ITGB5: variants seen among roughly 807,000 people sequenced by gnomAD.
ITGB5 encodes integrin beta-5.
A neutral mutation model predicts 84.8 loss-of-function variants in ITGB5; 38 were observed. The ratio of observed to expected loss-of-function variants is 0.45; its 90% CI spans 0.35 to 0.59. The LOEUF (loss-of-function observed/expected upper bound fraction) is 0.59. Among genes scored for constraint, ITGB5 ranks in the 20% least tolerant of loss-of-function variants. The probability of loss-of-function intolerance (pLI) is 0.01; values close to 1 mark genes in which losing one functional copy is unlikely to be tolerated. For missense variants in ITGB5, 905 were observed against 1,034.5 expected (o/e 0.87, Z 1.72); for synonymous variants, 393 against 414.4 (o/e 0.95, Z 0.63).
At chr3:124,796,957 G>A (rs140082645) in intron 9 of ITGB5, 140 bp from the exon 10 acceptor site, 27 of 751,678 alleles carry the variant, frequency 3.6e-5, no homozygotes, top group African/African-American at 2.7e-4. Context: ...CAAGATGGCC[G>A]GAGTAGGAAG....
intron 8 of ITGB5, 162 bp from the exon 9 acceptor site, chr3:124,809,318 C>G (rs2064460864): frequency 1.5e-6 from 1 of 658,864 alleles, no homozygotes; most frequent in East Asian, 2.7e-5. Context: ...CTCATCCTTT[C>G]CCTTCTCTCT....
At chr3:124,826,355 G>A (rs950726334) in intron 5 of ITGB5, among the ~76,000 whole-genome samples, 2 of 152,166 alleles carry the variant, frequency 1.3e-5, no homozygotes, top group Admixed American at 1.3e-4. Flanking sequence ...GAATTCGGGT[G>A]CCTTCTGATG....
chr3:124,831,003 CAACAAA>C (rs2064851849), intron 5 of ITGB5, among the ~76,000 whole-genome samples: 2 of 152,040 alleles, frequency 1.3e-5, no homozygotes, highest in South Asian at 2.1e-4. Flanking sequence ...ACAACAACAA[CAACAAA>C]AAAACAAGAA....
At chr3:124,898,917 A>G (rs905544801) in intron 1 of ITGB5, among the ~76,000 whole-genome samples, 10 of 151,910 alleles carry the variant, frequency 6.6e-5, no homozygotes, top group Non-Finnish European at 1.3e-4. Flanking sequence ...CTCTACTAAA[A>G]ATACAAAAAT....
intron 7 of ITGB5, among the ~76,000 whole-genome samples, chr3:124,818,683 C>T (rs1223604411): frequency 6.6e-6 from 1 of 151,980 alleles, no homozygotes; most frequent in Non-Finnish European, 1.5e-5. Flanking sequence ...CCTGAATAGG[C>T]TTTATCCTGC....
At chr3:124,810,482 T>TAGCTAC (rs1324102633) in intron 8 of ITGB5, among the ~76,000 whole-genome samples, 3 of 152,090 alleles carry the variant, frequency 2.0e-5, no homozygotes, top group African/African-American at 7.2e-5. Context: ...CACATGCCTG[T>TAGCTAC]AGCTACTCAG....
chr3:124,780,015 C>A (rs939885438), intron 10 of ITGB5, among the ~76,000 whole-genome samples: 4 of 152,202 alleles, frequency 2.6e-5, no homozygotes, highest in African/African-American at 2.4e-5. Context: ...CGGGGAGGCT[C>A]ACACCACAGA....
chr3:124,878,371 T>G (rs1007907398), intron 1 of ITGB5, among the ~76,000 whole-genome samples: 2 of 152,252 alleles, frequency 1.3e-5, no homozygotes, highest in African/African-American at 4.8e-5. Flanking sequence ...TCACCTGGTA[T>G]GAAAACATCA....
rs534520573 is a variant in ITGB5, at chr3:124,797,446, C to T, written c.1264-629G>A. 2.0e-5 allele frequency among the ~76,000 whole-genome samples: 3 copies of T among 152,006 alleles called. No homozygotes were observed. The East Asian group carries it at 5.8e-4, about 29-fold the overall frequency. ...TGTCATAGCTGCATCTTTCACAATC[C>T]CCCCATGCCCCTGAGGTCTTAAAGA... On this transcript the variant is annotated intron_variant, in intron 9 of 14. Coordinates refer to ENST00000296181, the MANE Select transcript of ITGB5 (RefSeq NM_002213.5).
At chr3:124,841,620 A>T in intron 4 of ITGB5, 69 bp from the exon 5 acceptor site, 1 of 1,519,066 alleles carries the variant, frequency 6.6e-7, no homozygotes, top group African/African-American at 1.4e-5. Context: ...TGTTCTGAGC[A>T]TTCACTGAGT....
intron 12 of ITGB5, among the ~76,000 whole-genome samples, chr3:124,768,319 C>T (rs1036971926): frequency 6.6e-6 from 1 of 152,186 alleles, no homozygotes; most frequent in African/African-American, 2.4e-5. Context: ...AGTCGTTTTA[C>T]TCAACTCACA....
At position 124,849,459 on chromosome 3, in the gene ITGB5, C is replaced by T. The variant is rs1344037548; in HGVS notation, c.362-901G>A. ...ACATCACCTGTGTTTGTTTCTATTT[C>T]TCTCGCCATTTACCAGACTAGTATT... On this transcript the variant is annotated intron_variant, in intron 3 of 14. Transcript: ENST00000296181. Among the ~76,000 whole-genome samples the T allele has an allele frequency of 2.0e-5, 3 of 152,254 alleles. No homozygotes were observed. In the East Asian group the frequency reaches 5.8e-4, roughly 29 times the overall value.
intron 1 of ITGB5, among the ~76,000 whole-genome samples, chr3:124,877,851 A>AT (rs60168281): frequency 3.3e-5 from 5 of 149,966 alleles, no homozygotes; most frequent in Non-Finnish European, 3.0e-5. Context: ...AAGCCACATA[A>AT]TTTTTTTTTT....
chr3:124,795,839 C>G (rs1459770358), intron 10 of ITGB5, among the ~76,000 whole-genome samples: 1 of 152,204 alleles, frequency 6.6e-6, no homozygotes, highest in African/African-American at 2.4e-5. Flanking sequence ...CACAGATTCT[C>G]CCCTGGAGCT....
In ITGB5 at chr3:124,763,589, A is replaced by G. The variant is rs764294780; in HGVS notation, c.*34T>C. 7.5e-7 allele frequency: 1 copy of G among 1,334,982 alleles called. No individual in the cohort carries two copies. The highest frequency in any genetic ancestry group is 1.2e-5 in the South Asian group (1 of 84,530). The allele number at this position is 1,334,982 out of a possible 1,614,324, so 82.7% of individuals were successfully genotyped here. A position where few individuals can be genotyped will look rare whatever the true frequency, so the allele number is the denominator to read the frequency against. On this transcript the variant is annotated 3_prime_UTR_variant, in exon 15 of 15. Transcript: ENST00000296181. Reference sequence around the variant, plus strand: ...GGCGTTTCAGTCTGACCTTTTCATCAGATCCCCGCTCCAGCCCCTCGGAGA... The same window carrying G: ...GGCGTTTCAGTCTGACCTTTTCATCGGATCCCCGCTCCAGCCCCTCGGAGA...
intron 10 of ITGB5, 85 bp from the exon 11 acceptor site, chr3:124,773,997 G>A: frequency 8.0e-7 from 1 of 1,247,724 alleles, no homozygotes; most frequent in Non-Finnish European, 1.1e-6. Flanking sequence ...TGCCAGGACT[G>A]GGATTCAGCA....
At chr3:124,764,062 T>C (rs1384392073) in intron 14 of ITGB5, among the ~76,000 whole-genome samples, 2 of 152,104 alleles carry the variant, frequency 1.3e-5, no homozygotes, top group Admixed American at 6.5e-5. Context: ...AGACTGCAGG[T>C]GTGAGTGTTG....
chr3:124,795,915 G>A (rs1405755484), intron 10 of ITGB5, among the ~76,000 whole-genome samples: 3 of 152,204 alleles, frequency 2.0e-5, no homozygotes, highest in Non-Finnish European at 4.4e-5. Context: ...TCAGACTTCT[G>A]GCCTCCAGAA....
chr3:124,848,312 A>AT lies in ITGB5; in HGVS notation c.607dup (p.Ile203AsnfsTer30), dbSNP rs1559966774. 2 of 1,614,050 alleles carry AT rather than the reference A, an allele frequency of 1.2e-6. No individual in the cohort carries two copies. The highest frequency in any genetic ancestry group is 3.3e-5 in the Admixed American group (2 of 60,018). On this transcript the variant is annotated frameshift_variant, in exon 4 of 15. Coordinates refer to ENST00000296181, the MANE Select transcript of ITGB5 (RefSeq NM_002213.5). LOFTEE classifies it high-confidence loss of function. The stretch of plus-strand genomic sequence containing the variant: ...AGAAGGGCAACTGGTCACTTACCCA[A>AT]TGCACGGATTGGTCTGGTACCTCGG...
Sources: gnomAD v4.1 joint callset for allele counts (sites outside exome capture counted in the v4.1 genomes callset) on GRCh38, gnomAD v4.1.1 for gene constraint, MANE v1.5 for transcripts, NCBI Gene and HGNC (gene_info 2026-07-23, HGNC 2026-07-21) for gene names.